The following DIPK1A variants were observed in gnomAD, a reference collection of about 807,000 sequenced individuals.
The protein encoded by DIPK1A is divergent protein kinase domain 1A, also known as family with sequence similarity 69 member A.
DIPK1A carries 27 observed loss-of-function variants against 40.8 expected under a neutral mutation model. The ratio of observed to expected loss-of-function variants is 0.66; its 90% CI spans 0.49 to 0.91. The LOEUF is 0.91. Among genes scored for constraint, DIPK1A ranks in the 40% least tolerant of loss-of-function variants. The pLI, the probability that DIPK1A is intolerant of heterozygous loss-of-function variation, is 0.00. For missense variants in DIPK1A, 412 were observed against 505.7 expected (o/e 0.81, Z 1.78); for synonymous variants, 166 against 171.3 (o/e 0.97, Z 0.24).
chr1:92,909,684 T>A (rs541274097), intron 1 of DIPK1A, among the ~76,000 whole-genome samples: 1 of 152,078 alleles, frequency 6.6e-6, no homozygotes, highest in Non-Finnish European at 1.5e-5. Context: ...TGGCCCTAGG[T>A]GTAGAGCAGA....
At chr1:92,950,607 T>A (rs1326191092) in intron 1 of DIPK1A, among the ~76,000 whole-genome samples, 1 of 152,104 alleles carries the variant, frequency 6.6e-6, no homozygotes. Flanking sequence ...CAAAAGTTAT[T>A]TGGGAGGCGG....
chr1:92,891,379 A>G (rs1248609497), intron 1 of DIPK1A, among the ~76,000 whole-genome samples: 5 of 151,662 alleles, frequency 3.3e-5, no homozygotes, highest in Non-Finnish European at 7.4e-5. Context: ...CTTGAGATAC[A>G]TTGTTAATTC....
At chr1:92,895,189 G>C (rs1649103803) in intron 1 of DIPK1A, among the ~76,000 whole-genome samples, 1 of 151,808 alleles carries the variant, frequency 6.6e-6, no homozygotes, top group Non-Finnish European at 1.5e-5. Flanking sequence ...AAGCCTGGCA[G>C]AGACACAACA....
chr1:92,834,949 G>A, intron 4 of DIPK1A: 1 of 1,599,710 alleles, frequency 6.3e-7, no homozygotes, highest in Non-Finnish European at 8.5e-7. Flanking sequence ...TGTAGTTTGT[G>A]GCTGATTGCT....
intron 4 of DIPK1A, among the ~76,000 whole-genome samples, chr1:92,844,763 AATT>A (rs2100708967): frequency 6.6e-6 from 1 of 152,246 alleles, no homozygotes; most frequent in East Asian, 1.9e-4. Context: ...TTATCACAAT[AATT>A]ATTTTGTTCA....
At chr1:92,864,233 ACTAT>A (rs1647429547) in intron 2 of DIPK1A, among the ~76,000 whole-genome samples, 1 of 152,248 alleles carries the variant, frequency 6.6e-6, no homozygotes, top group African/African-American at 2.4e-5. Flanking sequence ...GCTATATATC[ACTAT>A]CTAATTGAAA....
chr1:92,915,896 A>T (rs182065358), intron 1 of DIPK1A, among the ~76,000 whole-genome samples: 310 of 152,360 alleles, frequency 2.0e-3, no homozygotes, highest in Middle Eastern at 3.4e-3. Context: ...GATAAAAAAA[A>T]TAAGGTATAC....
In DIPK1A at chr1:92,843,507, T is replaced by A; in HGVS notation, c.1163A>T (p.Lys388Met). Residue 388 changes from lysine to methionine, a missense_variant, in exon 5 of 5, where the codon AAG (lysine) becomes ATG (methionine). Physicochemically the swap from Lys to Met is moderately conservative, Grantham distance 95. Transcript: ENST00000370310. ...APSEIREELE[K>M]QLYSCIALKV... ...GAGAGCAATACAAGAATAAAGCTGCTTTTCTAATTCTTCACGAATTTCACT... is the reference window on the plus strand; with the variant it reads ...GAGAGCAATACAAGAATAAAGCTGCATTTCTAATTCTTCACGAATTTCACT... 1 of 1,551,934 alleles carries A rather than the reference T, an allele frequency of 6.4e-7. No homozygotes were observed. The highest frequency in any genetic ancestry group is 8.7e-7 in the Non-Finnish European group (1 of 1,147,048).
chr1:92,888,434 T>C (rs900125898), intron 1 of DIPK1A, among the ~76,000 whole-genome samples: 4 of 152,218 alleles, frequency 2.6e-5, no homozygotes, highest in Non-Finnish European at 5.9e-5. Context: ...ATTCATCTGT[T>C]GATGAACACT....
intron 2 of DIPK1A, among the ~76,000 whole-genome samples, chr1:92,856,498 A>C (rs913126478): frequency 2.6e-5 from 4 of 151,912 alleles, no homozygotes; most frequent in Non-Finnish European, 1.5e-5. Flanking sequence ...GCTCACTGCA[A>C]CCTCCTCCTC....
chr1:92,936,078 T>G (rs184079981), intron 1 of DIPK1A, among the ~76,000 whole-genome samples: 2 of 151,278 alleles, frequency 1.3e-5, no homozygotes, highest in Non-Finnish European at 3.0e-5. Flanking sequence ...AGAGAGAGAC[T>G]TCATCTCAAA....
At chr1:92,924,448 G>A (rs897430880) in intron 1 of DIPK1A, among the ~76,000 whole-genome samples, 2 of 152,104 alleles carry the variant, frequency 1.3e-5, no homozygotes, top group South Asian at 2.1e-4. Context: ...TATATAACCC[G>A]CACGGATCAA....
At chr1:92,929,415 A>G (rs1353218260) in intron 1 of DIPK1A, among the ~76,000 whole-genome samples, 1 of 152,150 alleles carries the variant, frequency 6.6e-6, no homozygotes, top group Non-Finnish European at 1.5e-5. Context: ...CTCCCCACAC[A>G]TATGAAGGAA....
chr1:92,847,826 C>T (rs756203092), intron 3 of DIPK1A, among the ~76,000 whole-genome samples: 1 of 152,194 alleles, frequency 6.6e-6, no homozygotes, highest in Non-Finnish European at 1.5e-5. Context: ...GCCTCAAAGT[C>T]CTGAGCTCAA....
intron 1 of DIPK1A, among the ~76,000 whole-genome samples, chr1:92,878,776 G>C (rs1017301227): frequency 2.0e-5 from 3 of 151,836 alleles, no homozygotes; most frequent in Non-Finnish European, 4.4e-5. Flanking sequence ...AGCCGAGATC[G>C]CACCACTGCA....
At chr1:92,950,466 C>G (rs1651584232) in intron 1 of DIPK1A, among the ~76,000 whole-genome samples, 1 of 152,196 alleles carries the variant, frequency 6.6e-6, no homozygotes, top group African/African-American at 2.4e-5. Context: ...GAGACCTGAA[C>G]AAATTACTTT....
intron 4 of DIPK1A, chr1:92,835,139 G>T: frequency 3.3e-6 from 2 of 599,926 alleles, no homozygotes; most frequent in South Asian, 3.8e-5. Flanking sequence ...TGCCACTAGC[G>T]ACCTGCAGCT....
At chr1:92,835,351 C>T (rs774961825) in intron 4 of DIPK1A, 11 of 245,654 alleles carry the variant, frequency 4.5e-5, no homozygotes, top group Non-Finnish European at 7.3e-5. Context: ...TTTATATGCA[C>T]ATTAAAACTG....
At chr1:92,952,065 T>TA (rs1185332444) in intron 1 of DIPK1A, among the ~76,000 whole-genome samples, 4,419 of 132,686 alleles carry the variant, frequency 0.033, 181 homozygotes, top group African/African-American at 0.1. Flanking sequence ...GGCCACTCTT[T>TA]AAAAAAAAAA....
Sources: gnomAD v4.1 joint callset for allele counts (sites outside exome capture counted in the v4.1 genomes callset) on GRCh38, gnomAD v4.1.1 for gene constraint, MANE v1.5 for transcripts, NCBI Gene and HGNC (gene_info 2026-07-23, HGNC 2026-07-21) for gene names.